ARHGAP8: variants seen among roughly 807,000 people sequenced by gnomAD.
ARHGAP8 encodes the protein Rho GTPase activating protein 8, also known as rho GTPase-activating protein 8.
ARHGAP8 carries 62 observed loss-of-function variants against 46.1 expected under a neutral mutation model. The observed-to-expected ratio is 1.34, with a 90% CI of 1.10 to 1.66. The LOEUF is 1.66. Ranked by LOEUF, ARHGAP8 falls within the 40% of genes most tolerant of loss-of-function variation. The pLI is 0.00. For synonymous variants in ARHGAP8, 375 were observed against 243.1 expected (o/e 1.54, Z -5.05); for missense variants, 923 against 568.4 (o/e 1.62, Z -6.34).
In ARHGAP8 at chr22:44,862,282, G is replaced by T. The variant is rs77740333; in HGVS notation, c.989G>T (p.Arg330Leu). 5.7e-6 allele frequency: 9 copies of T among 1,591,426 alleles called. No homozygotes were observed. The highest frequency in any genetic ancestry group is 1.7e-4 in the Middle Eastern group (1 of 5,970). The change falls in exon 12 of 12, where the codon CGG becomes CTG. Residue 330 changes from arginine to leucine, a missense_variant. Coordinates refer to ENST00000356099, the MANE Select transcript of ARHGAP8 (RefSeq NM_181335.3). ...YLMGFLHAVS[R>L]ESIFNKMNSS... ...GTGTGTGGTTTCCTCCAGGTGTCCC[G>T]GGAGAGCATCTTCAACAAAATGAAC...
chr22:44,772,555 C>T (rs1002072009), intron 1 of ARHGAP8, among the ~76,000 whole-genome samples: 18 of 151,254 alleles, frequency 1.2e-4, no homozygotes, highest in Admixed American at 1.2e-3. Flanking sequence ...ATAGGTTGTA[C>T]TTTTTATATA....
chr22:44,783,882 T>A (rs1431862176), intron 1 of ARHGAP8, among the ~76,000 whole-genome samples: 1 of 152,122 alleles, frequency 6.6e-6, no homozygotes, highest in Non-Finnish European at 1.5e-5. Flanking sequence ...TCATTCTCTC[T>A]GCCTCCACCC....
intron 1 of ARHGAP8, among the ~76,000 whole-genome samples, chr22:44,773,292 A>G (rs963972885): frequency 2.6e-5 from 4 of 152,148 alleles, no homozygotes; most frequent in African/African-American, 9.7e-5. Context: ...TTATCCTTTT[A>G]ATGTCTGTAG....
chr22:44,789,655 C>T (rs748859194), intron 2 of ARHGAP8, among the ~76,000 whole-genome samples: 11 of 152,004 alleles, frequency 7.2e-5, no homozygotes, highest in Non-Finnish European at 1.3e-4. Flanking sequence ...CAGGCCACCA[C>T]GCCTGGCTAA....
chr22:44,836,608 C>T (rs990772238), intron 7 of ARHGAP8, among the ~76,000 whole-genome samples: 1 of 151,356 alleles, frequency 6.6e-6, no homozygotes, highest in Non-Finnish European at 1.5e-5. Flanking sequence ...TTCACATGCA[C>T]TGCCCATTTC....
chr22:44,833,296 A>C (rs199781344), intron 7 of ARHGAP8, among the ~76,000 whole-genome samples: 1 of 151,798 alleles, frequency 6.6e-6, no homozygotes, highest in East Asian at 1.9e-4. Context: ...ACAGGGTCTC[A>C]CTATGTTGCC....
intron 3 of ARHGAP8, among the ~76,000 whole-genome samples, chr22:44,807,033 G>A (rs1928977273): frequency 6.6e-6 from 1 of 152,114 alleles, no homozygotes; most frequent in African/African-American, 2.4e-5. Flanking sequence ...CGGGCAGTGC[G>A]GGACCAGCCG....
chr22:44,781,355 G>A (rs16992792), intron 1 of ARHGAP8, among the ~76,000 whole-genome samples: 1,984 of 152,218 alleles, frequency 0.013, 51 homozygotes, highest in African/African-American at 0.046. Flanking sequence ...CTGTGGCAGC[G>A]TGACGGTAAT....
At chr22:44,843,821 T>A (rs1327323401) in intron 7 of ARHGAP8, among the ~76,000 whole-genome samples, 3 of 111,682 alleles carry the variant, frequency 2.7e-5, no homozygotes, top group Admixed American at 9.7e-5. Flanking sequence ...TAAGACCTTG[T>A]CTCAAAAAAA....
At chr22:44,793,677 C>G (rs1045882180) in intron 2 of ARHGAP8, among the ~76,000 whole-genome samples, 1 of 152,218 alleles carries the variant, frequency 6.6e-6, no homozygotes, top group Non-Finnish European at 1.5e-5. Context: ...TTTCTTTATT[C>G]ATAAACCAGG....
Position 44,814,753 on chromosome 22 carries a change from C to CA in ARHGAP8, c.382dup (p.Ile128AsnfsTer17), listed in dbSNP as rs780673792. 1.4e-5 allele frequency: 22 copies of CA among 1,614,002 alleles called. 1 individual carries two copies. The highest frequency in any genetic ancestry group is 1.4e-5 in the Non-Finnish European group (16 of 1,179,932). ...TCCTGTGGAACATCTTGAAGCCCCT[C>CA]ATCAGGTATGCGTCACTCTGGGAGA... On this transcript the variant is annotated frameshift_variant, in exon 5 of 12. Transcript: ENST00000356099. LOFTEE classifies it high-confidence loss of function.
intron 1 of ARHGAP8, among the ~76,000 whole-genome samples, chr22:44,779,023 C>A (rs1273598097): frequency 6.6e-6 from 1 of 151,676 alleles, no homozygotes; most frequent in Non-Finnish European, 1.5e-5. Context: ...ACAAATAGAT[C>A]AGGAATCTTG....
In ARHGAP8 at chr22:44,862,587, C is replaced by T. The variant is rs139980639; in HGVS notation, c.1294C>T (p.Arg432Cys). The part of the protein sequence containing the change: ...PPSPLMAARR[R>C]L Reference sequence around the variant, plus strand: ...GAGTCCCCTGATGGCAGCCAGAAGACGTCTCTAGTGTTGCGAACACTCTGT... The same window carrying T: ...GAGTCCCCTGATGGCAGCCAGAAGATGTCTCTAGTGTTGCGAACACTCTGT... The change falls in exon 12 of 12, where the codon CGT becomes TGT. Residue 432 changes from arginine to cysteine, a missense_variant. By Grantham distance (180) the Arg-to-Cys change is radical. Transcript: ENST00000356099. 4.1e-4 allele frequency: 653 copies of T among 1,580,454 alleles called. 1 individual carries two copies. Among genetic ancestry groups the T allele is most frequent in the African/African-American group, 1.2e-3 (92 of 74,024 alleles).
At position 44,845,352 on chromosome 22, in the gene ARHGAP8, G is replaced by A; in HGVS notation, c.670+10G>A. The A allele has an allele frequency of 6.2e-7, 1 of 1,614,028 alleles. No individual in the cohort carries two copies. The highest frequency in any genetic ancestry group is 8.5e-7 in the Non-Finnish European group (1 of 1,179,982). Reference sequence around the variant, plus strand: ...TACCTGAGAGAGAAAGGTGAGACGGGGCCGGCTCCAGCTGGATGACGTGAG... The same window carrying A: ...TACCTGAGAGAGAAAGGTGAGACGGAGCCGGCTCCAGCTGGATGACGTGAG... On this transcript the variant is annotated intron_variant, in intron 8 of 11. Transcript: ENST00000356099.
chr22:44,796,524 G>C (rs909869617), intron 2 of ARHGAP8, among the ~76,000 whole-genome samples: 2 of 151,180 alleles, frequency 1.3e-5, no homozygotes, highest in Non-Finnish European at 3.0e-5. Flanking sequence ...GCTGGAGGCT[G>C]AGTTCACTCT....
At chr22:44,754,194 AAGGTGGATGGG>A (rs1341935294) in intron 1 of ARHGAP8, among the ~76,000 whole-genome samples, 6 of 152,034 alleles carry the variant, frequency 3.9e-5, no homozygotes, top group African/African-American at 1.2e-4. Context: ...ATTGAGCTGG[AAGGTGGATGGG>A]AGGTGGATGG....
intron 6 of ARHGAP8, 141 bp downstream of exon 6, chr22:44,822,610 C>A: frequency 1.5e-6 from 1 of 677,520 alleles, no homozygotes; most frequent in Non-Finnish European, 2.3e-6. Flanking sequence ...GCGGCATCGA[C>A]AAAGATCCGC....
chr22:44,795,146 A>C (rs1927989715), intron 2 of ARHGAP8, among the ~76,000 whole-genome samples: 1 of 152,046 alleles, frequency 6.6e-6, no homozygotes, highest in African/African-American at 2.4e-5. Flanking sequence ...ACAACAGCTC[A>C]CTCTCAGAGT....
chr22:44,808,646 T>C (rs1929109328), intron 4 of ARHGAP8: 5 of 937,482 alleles, frequency 5.3e-6, no homozygotes, highest in Non-Finnish European at 8.2e-6. Context: ...ACTCATTTTT[T>C]TTTTTCTTTC....
Sources: gnomAD v4.1 joint callset for allele counts (sites outside exome capture counted in the v4.1 genomes callset) on GRCh38, gnomAD v4.1.1 for gene constraint, MANE v1.5 for transcripts, NCBI Gene and HGNC (gene_info 2026-07-23, HGNC 2026-07-21) for gene names.